Variants in KIFC3 observed in about 807,000 individuals in gnomAD.
The protein encoded by KIFC3 is kinesin family member C3, also known as kinesin-like protein KIFC3.
In KIFC3, 60 loss-of-function variants were observed where a neutral mutation model predicts 101.8. The ratio of observed to expected loss-of-function variants is 0.59; its 90% CI spans 0.48 to 0.73. The LOEUF is 0.73. Among genes scored for constraint, KIFC3 ranks in the 30% least tolerant of loss-of-function variants. The pLI is 0.00. For missense variants in KIFC3, 966 were observed against 1,137.1 expected (o/e 0.85, Z 2.16); for synonymous variants, 476 against 482.7 (o/e 0.99, Z 0.18).
chr16:57,850,076 A>C (rs1360777423), intron 1 of KIFC3, among the ~76,000 whole-genome samples: 2 of 151,830 alleles, frequency 1.3e-5, no homozygotes, highest in Non-Finnish European at 2.9e-5. Flanking sequence ...CCTGGGTGAC[A>C]GAGCAAGACC....
intron 1 of KIFC3, chr16:57,813,644 A>G: frequency 7.1e-6 from 7 of 981,600 alleles, no homozygotes; most frequent in Non-Finnish European, 8.5e-6. Context: ...AATAATTAGG[A>G]TTTCCTATGC....
upstream of KIFC3, chr16:57,807,929 T>TAAAAAAAAAAA (rs58392665): frequency 2.2e-4 from 18 of 81,548 alleles, no homozygotes; most frequent in South Asian, 4.6e-4. Flanking sequence ...GATCCTGTCT[T>TAAAAAAAAAAA]AAAAAAAAAA....
intron 1 of KIFC3, among the ~76,000 whole-genome samples, chr16:57,812,843 G>A (rs1010952880): frequency 2.6e-5 from 4 of 152,196 alleles, no homozygotes; most frequent in Admixed American, 6.5e-5. Flanking sequence ...GGGCTCCCCC[G>A]AACTGGTCCA....
At chr16:57,827,035 C>T (rs1596804137) in intron 1 of KIFC3, among the ~76,000 whole-genome samples, 1 of 152,300 alleles carries the variant, frequency 6.6e-6, no homozygotes, top group East Asian at 1.9e-4. Flanking sequence ...CTCAGTTAGG[C>T]TTTAATATTT....
At chr16:57,844,434 GA>G (rs66460592) in intron 1 of KIFC3, among the ~76,000 whole-genome samples, 19,852 of 117,846 alleles carry the variant, frequency 0.17, 1,958 homozygotes, top group African/African-American at 0.28. Context: ...CAGTCTCAGG[GA>G]AAAAAAAAAA....
At chr16:57,813,351 AAAAT>A (rs149210186) in intron 1 of KIFC3, among the ~76,000 whole-genome samples, 17 of 151,190 alleles carry the variant, frequency 1.1e-4, no homozygotes, top group African/African-American at 2.9e-4. Context: ...ATAAAATACA[AAAAT>A]AAATAAATAA....
In KIFC3 at chr16:57,794,981, G is replaced by C. The variant is rs782211803; in HGVS notation, c.315+18C>G. ...AGAGAGCCAAGGCACATGCAGCCTGGAAGGCCCCAGTGCTTACCTGCAGGG... is the reference window on the plus strand; with the variant it reads ...AGAGAGCCAAGGCACATGCAGCCTGCAAGGCCCCAGTGCTTACCTGCAGGG... On this transcript the variant is annotated intron_variant, in intron 3 of 19. Coordinates refer to ENST00000445690, the MANE Select transcript of KIFC3 (RefSeq NM_001130100.2). The C allele has an allele frequency of 2.1e-5, 32 of 1,535,098 alleles. No individual in the cohort carries two copies. The South Asian group carries it at 4.0e-4, about 19-fold the overall frequency.
intron 13 of KIFC3, 133 bp from the exon 14 acceptor site, chr16:57,761,669 C>G: frequency 1.1e-6 from 1 of 933,088 alleles, no homozygotes; most frequent in Middle Eastern, 3.0e-4. Flanking sequence ...GTGCATCTCT[C>G]CTCCTCCAGC....
At chr16:57,787,031 C>T (rs1555618060) in intron 3 of KIFC3, among the ~76,000 whole-genome samples, 1 of 152,224 alleles carries the variant, frequency 6.6e-6, no homozygotes. Context: ...GTGGCCTGCA[C>T]GTGATGCAGC....
chr16:57,798,878 G>A (rs1230217272), intron 1 of KIFC3, among the ~76,000 whole-genome samples: 1 of 152,212 alleles, frequency 6.6e-6, no homozygotes, highest in East Asian at 1.9e-4. Context: ...CCTAGCATGT[G>A]GCAGGCACCG....
chr16:57,843,016 C>T (rs547149103), intron 1 of KIFC3, among the ~76,000 whole-genome samples: 1 of 152,102 alleles, frequency 6.6e-6, no homozygotes, highest in East Asian at 1.9e-4. Context: ...GCCTGTAATC[C>T]CAGCTACTCG....
rs150524581 is a variant in KIFC3 at position 57,817,130 on chromosome 16, G to A, written c.109-18848C>T. On this transcript the variant is annotated intron_variant, in intron 1 of 2. Coordinates refer to the KIFC3 transcript ENST00000563028. Reference sequence around the variant, plus strand: ...TCCCAGCACTTTGGGAGGCTGAGGCGGGCAGATAACCTGAGGTCAGGAGTT... The same window carrying A: ...TCCCAGCACTTTGGGAGGCTGAGGCAGGCAGATAACCTGAGGTCAGGAGTT... Among the ~76,000 whole-genome samples, 360 of 152,188 alleles carry A rather than the reference G, an allele frequency of 2.4e-3. 10 individuals are homozygous for A. The East Asian group carries it at 0.051, about 21-fold the overall frequency.
chr16:57,781,964 A>G lies in KIFC3; in HGVS notation c.316-9676T>C, dbSNP rs374123349. 45 of 985,476 alleles carry G rather than the reference A, an allele frequency of 4.6e-5. No individual in the cohort carries two copies. In the Admixed American group the frequency reaches 5.5e-4, roughly 12 times the overall value. 61.0% of individuals were successfully genotyped at this position (985,476 alleles called of 1,614,324 possible). ...TGCAGGAACAGCAGTGTGAGAAAGCAGCCGATCAGAAGCCAGTGGTGGATA... is the reference window on the plus strand; with the variant it reads ...TGCAGGAACAGCAGTGTGAGAAAGCGGCCGATCAGAAGCCAGTGGTGGATA... On this transcript the variant is annotated intron_variant, in intron 3 of 19. Transcript: ENST00000445690.
intron 1 of KIFC3, among the ~76,000 whole-genome samples, chr16:57,838,425 C>T (rs1265081904): frequency 1.3e-5 from 2 of 152,200 alleles, no homozygotes; most frequent in African/African-American, 4.8e-5. Context: ...GTTCCAGACA[C>T]AGCCACCTAG....
intron 1 of KIFC3, chr16:57,830,651 T>C (rs2055563100): frequency 2.0e-5 from 3 of 152,220 alleles, no homozygotes; most frequent in Non-Finnish European, 2.9e-5. Flanking sequence ...ACTGTTTTCC[T>C]TTCTGTAAAC....
In KIFC3 at chr16:57,798,255, C is replaced by T. The variant is rs1010449444; in HGVS notation, c.-12G>A. On this transcript the variant is annotated 5_prime_UTR_variant, in exon 2 of 20. Transcript: ENST00000445690. The stretch of plus-strand genomic sequence containing the variant: ...CGAGAGGGGACCATGGCCTGGGGCT[C>T]AGCAGCCTCCTCGGGGCACCAGGCA... 3.9e-6 allele frequency: 6 copies of T among 1,551,858 alleles called. No homozygotes were observed. Among genetic ancestry groups the T allele is most frequent in the Non-Finnish European group, 4.4e-6 (5 of 1,148,610 alleles).
intron 3 of KIFC3, among the ~76,000 whole-genome samples, chr16:57,772,569 C>T (rs911175040): frequency 7.2e-5 from 11 of 152,140 alleles, no homozygotes; most frequent in Admixed American, 2.0e-4. Flanking sequence ...AAGGCCACCC[C>T]GATGCCCCCT....
intron 1 of KIFC3, among the ~76,000 whole-genome samples, chr16:57,814,391 G>T (rs1237487308): frequency 6.6e-6 from 1 of 152,118 alleles, no homozygotes; most frequent in African/African-American, 2.4e-5. Context: ...TAGATTGGAG[G>T]TCCCTGATTC....
At chr16:57,851,971 C>T (rs1347361327) in intron 1 of KIFC3, among the ~76,000 whole-genome samples, 1 of 152,060 alleles carries the variant, frequency 6.6e-6, no homozygotes, top group African/African-American at 2.4e-5. Flanking sequence ...AAACCCCTGA[C>T]CACAAGTGAT....
Sources: allele counts gnomAD v4.1 joint callset (sites outside exome capture counted in the v4.1 genomes callset), GRCh38; gene constraint gnomAD v4.1.1; transcripts MANE v1.5; gene names NCBI Gene and HGNC (gene_info 2026-07-23, HGNC 2026-07-21).